The following SUMF1 variants were observed in gnomAD, a reference collection of about 807,000 sequenced individuals.
SUMF1 encodes sulfatase modifying factor 1.
In SUMF1, 48 loss-of-function variants were observed where a neutral mutation model predicts 47.6. The ratio of observed to expected loss-of-function variants is 1.01; its 90% CI spans 0.80 to 1.28. SUMF1 has a LOEUF of 1.28. SUMF1 is among the 50% of genes most tolerant of loss of function. The pLI is 0.00. For synonymous variants in SUMF1, 230 were observed against 192.1 expected (o/e 1.20, Z -1.63); for missense variants, 571 against 485.4 (o/e 1.18, Z -1.66).
chr3:4,337,207 C>G (rs937977500), intron 8 of SUMF1, among the ~76,000 whole-genome samples: 2 of 50,108 alleles, frequency 4.0e-5, no homozygotes, highest in African/African-American at 1.0e-4. Context: ...CCCTCCCTCC[C>G]TCCTTTCTTC....
intron 8 of SUMF1, among the ~76,000 whole-genome samples, chr3:4,227,282 G>T (rs935268995): frequency 6.6e-6 from 1 of 152,098 alleles, no homozygotes; most frequent in Non-Finnish European, 1.5e-5. Flanking sequence ...CCTGCAACAG[G>T]CACTGGGGAT....
chr3:4,245,416 T>C (rs1332456043), intron 8 of SUMF1, among the ~76,000 whole-genome samples: 2 of 152,022 alleles, frequency 1.3e-5, no homozygotes, highest in Non-Finnish European at 2.9e-5. Flanking sequence ...ACAGATGGGG[T>C]TTTAGTGTGG....
intron 3 of SUMF1, among the ~76,000 whole-genome samples, chr3:4,436,141 T>C (rs894844885): frequency 2.0e-5 from 3 of 152,068 alleles, no homozygotes; most frequent in African/African-American, 7.2e-5. Flanking sequence ...AATAAATAAA[T>C]TAAATTAAAT....
At chr3:4,107,497 T>C (rs1693185592) in intron 8 of SUMF1, among the ~76,000 whole-genome samples, 1 of 152,122 alleles carries the variant, frequency 6.6e-6, no homozygotes, top group Non-Finnish European at 1.5e-5. Flanking sequence ...CTCCTATCAG[T>C]ACTATCCTGC....
At chr3:4,144,262 C>T (rs1694144103) in intron 8 of SUMF1, among the ~76,000 whole-genome samples, 2 of 152,050 alleles carry the variant, frequency 1.3e-5, no homozygotes, top group Non-Finnish European at 2.9e-5. Flanking sequence ...CCATAGCACT[C>T]GGCCCACTTT....
chr3:4,280,397 G>C (rs139922956), intron 8 of SUMF1, among the ~76,000 whole-genome samples: 1 of 152,036 alleles, frequency 6.6e-6, no homozygotes, highest in Non-Finnish European at 1.5e-5. Context: ...GATGAAAAGT[G>C]CAATGGCTCT....
chr3:4,388,510 T>C (rs1359369408), intron 7 of SUMF1, among the ~76,000 whole-genome samples: 1 of 152,098 alleles, frequency 6.6e-6, no homozygotes, highest in Admixed American at 6.5e-5. Context: ...TTTAATCTAC[T>C]ATGCCAATCT....
intron 8 of SUMF1, among the ~76,000 whole-genome samples, chr3:4,071,822 C>G (rs1479847082): frequency 6.6e-6 from 1 of 152,204 alleles, no homozygotes; most frequent in Non-Finnish European, 1.5e-5. Context: ...AACCCCTCAT[C>G]TCCCTGGGAC....
intron 8 of SUMF1, among the ~76,000 whole-genome samples, chr3:4,174,457 A>T (rs1021442629): frequency 3.3e-5 from 5 of 151,966 alleles, no homozygotes; most frequent in Non-Finnish European, 5.9e-5. Context: ...AGGGGATAAC[A>T]CTTTGGGAGG....
intron 8 of SUMF1, among the ~76,000 whole-genome samples, chr3:4,251,474 T>C (rs981427998): frequency 3.9e-5 from 6 of 152,302 alleles, no homozygotes; most frequent in South Asian, 2.1e-4. Context: ...TTTGAGAGGA[T>C]TGACTCAAAT....
chr3:4,364,836 T>C (rs1378090659), intron 8 of SUMF1, among the ~76,000 whole-genome samples: 2 of 151,870 alleles, frequency 1.3e-5, no homozygotes, highest in Non-Finnish European at 2.9e-5. Context: ...ATTTTGGATC[T>C]TTCCTGCTTT....
chr3:4,456,520 C>T (rs1351718007), intron 1 of SUMF1, among the ~76,000 whole-genome samples: 2 of 146,626 alleles, frequency 1.4e-5, no homozygotes, highest in African/African-American at 5.0e-5. Flanking sequence ...AGCACGATCT[C>T]GGCTCACTGC....
At chr3:4,250,725 C>T (rs989905756) in intron 8 of SUMF1, among the ~76,000 whole-genome samples, 4 of 152,002 alleles carry the variant, frequency 2.6e-5, no homozygotes, top group African/African-American at 9.7e-5. Flanking sequence ...AAGAATTATG[C>T]TAATTCTAAT....
At chr3:4,167,911 G>A (rs1031985841) in intron 8 of SUMF1, among the ~76,000 whole-genome samples, 2 of 152,124 alleles carry the variant, frequency 1.3e-5, no homozygotes, top group Non-Finnish European at 2.9e-5. Context: ...GATAAAGCAG[G>A]CATCTCTTTG....
chr3:4,178,962 T>C (rs1236765900), intron 8 of SUMF1, among the ~76,000 whole-genome samples: 5 of 151,966 alleles, frequency 3.3e-5, no homozygotes, highest in South Asian at 2.1e-4. Context: ...GAGAATAAAA[T>C]ACCCAGGAAT....
intron 8 of SUMF1, among the ~76,000 whole-genome samples, chr3:4,214,236 G>A (rs1014515412): frequency 2.0e-5 from 3 of 152,114 alleles, no homozygotes; most frequent in African/African-American, 7.2e-5. Flanking sequence ...AATCACATTA[G>A]AACTCAGGAT....
chr3:4,426,355 C>T (rs112042659), intron 3 of SUMF1, among the ~76,000 whole-genome samples: 3 of 152,264 alleles, frequency 2.0e-5, no homozygotes, highest in African/African-American at 4.8e-5. Context: ...TGAGGACTGA[C>T]GAAATCAGAG....
chr3:4,286,661 A>C (rs1351657654), intron 8 of SUMF1, among the ~76,000 whole-genome samples: 1 of 152,188 alleles, frequency 6.6e-6, no homozygotes, highest in Non-Finnish European at 1.5e-5. Context: ...AGAATATTAC[A>C]AATAAGTTTC....
At chr3:4,046,628 C>A (rs1167515065) in intron 9 of SUMF1, among the ~76,000 whole-genome samples, 1 of 152,198 alleles carries the variant, frequency 6.6e-6, no homozygotes, top group Non-Finnish European at 1.5e-5. Flanking sequence ...TCTTTCCCAG[C>A]ATCCTGCAAA....
Sources: gnomAD v4.1 joint callset for allele counts (sites outside exome capture counted in the v4.1 genomes callset) on GRCh38, gnomAD v4.1.1 for gene constraint, MANE v1.5 for transcripts, NCBI Gene and HGNC (gene_info 2026-07-23, HGNC 2026-07-21) for gene names.